PDE1A: variants seen among roughly 807,000 people sequenced by gnomAD.
The protein encoded by PDE1A is dual specificity calcium/calmodulin-dependent 3',5'-cyclic nucleotide phosphodiesterase 1A.
Under a neutral mutation model 61.7 loss-of-function variants are expected in PDE1A, and 35 were observed. The ratio of observed to expected loss-of-function variants is 0.57; its 90% CI spans 0.43 to 0.75. The LOEUF (loss-of-function observed/expected upper bound fraction) is 0.75, where lower values mean the gene tolerates loss of function less well. Ranked by LOEUF, PDE1A falls within the 30% of genes least tolerant of loss-of-function variation. The pLI, the probability that PDE1A is intolerant of heterozygous loss-of-function variation, is 0.00. For synonymous variants in PDE1A, 232 were observed against 213.2 expected (o/e 1.09, Z -0.77); for missense variants, 597 against 630.6 (o/e 0.95, Z 0.57).
chr2:182,199,542 C>A (rs1192446055), intron 10 of PDE1A, among the ~76,000 whole-genome samples: 1 of 151,890 alleles, frequency 6.6e-6, no homozygotes, highest in African/African-American at 2.4e-5. Context: ...TTAAAAATTT[C>A]TTCTTAACCT....
the PDE1A span, among the ~76,000 whole-genome samples, chr2:182,585,795 T>A: frequency 6.6e-6 from 1 of 152,182 alleles, no homozygotes; most frequent in African/African-American, 2.4e-5. Context: ...GAATAATAGA[T>A]CATAAATCAC....
the PDE1A span, among the ~76,000 whole-genome samples, chr2:182,700,686 C>T: frequency 2.4e-5 from 3 of 124,920 alleles, no homozygotes; most frequent in Admixed American, 1.0e-4. Context: ...TGTGCCTCTG[C>T]ACTCCAGCCT....
intron 2 of PDE1A, among the ~76,000 whole-genome samples, chr2:182,243,810 A>G (rs1368928197): frequency 6.6e-6 from 1 of 152,206 alleles, no homozygotes; most frequent in Non-Finnish European, 1.5e-5. Flanking sequence ...TGAGTTGGGT[A>G]TCATTTTGTC....
intron 1 of PDE1A, among the ~76,000 whole-genome samples, chr2:182,383,171 G>C (rs1440272447): frequency 6.6e-6 from 1 of 152,092 alleles, no homozygotes; most frequent in East Asian, 1.9e-4. Context: ...CACTGTCTGT[G>C]CTCTCTTTTC....
At chr2:182,286,724 C>T (rs1489078900) in intron 1 of PDE1A, among the ~76,000 whole-genome samples, 1 of 152,124 alleles carries the variant, frequency 6.6e-6, no homozygotes, top group Non-Finnish European at 1.5e-5. Context: ...TCATAGCTTC[C>T]ACTCATATTA....
chr2:182,380,412 C>A (rs1463511968), intron 1 of PDE1A, among the ~76,000 whole-genome samples: 2 of 152,004 alleles, frequency 1.3e-5, no homozygotes, highest in African/African-American at 4.8e-5. Flanking sequence ...GCACCCAGCC[C>A]CAGCTCCTCT....
intron 2 of PDE1A, among the ~76,000 whole-genome samples, chr2:182,516,611 C>A (rs73044474): frequency 0.012 from 1,789 of 149,422 alleles, 39 homozygotes; most frequent in African/African-American, 0.042. Context: ...AGAGATCGCA[C>A]CACTGCACCA....
At chr2:182,613,498 G>A in the PDE1A span, among the ~76,000 whole-genome samples, 5 of 151,538 alleles carry the variant, frequency 3.3e-5, no homozygotes, top group Non-Finnish European at 7.4e-5. Context: ...AGGAGGCAGA[G>A]CTTGCAGTTG....
At chr2:182,701,136 G>A in the PDE1A span, among the ~76,000 whole-genome samples, 55 of 151,520 alleles carry the variant, frequency 3.6e-4, no homozygotes, top group Non-Finnish European at 6.0e-4. Flanking sequence ...CCAGGTTCAC[G>A]CCATTCTCCT....
chr2:182,658,061 A>AC, the PDE1A span, among the ~76,000 whole-genome samples: 23 of 112,930 alleles, frequency 2.0e-4, 1 homozygote, highest in Admixed American at 1.2e-3. Context: ...AAAAAAAAAA[A>AC]AAAAAAAAAA....
chr2:182,272,356 G>T (rs1331343155), intron 1 of PDE1A, among the ~76,000 whole-genome samples: 2 of 152,118 alleles, frequency 1.3e-5, no homozygotes, highest in African/African-American at 4.8e-5. Flanking sequence ...TGATAATTTT[G>T]AGCAAGAAAC....
At chr2:182,389,434 G>C (rs1028366827) in intron 1 of PDE1A, among the ~76,000 whole-genome samples, 4 of 151,892 alleles carry the variant, frequency 2.6e-5, no homozygotes, top group Non-Finnish European at 5.9e-5. Context: ...ATTAAAAAAT[G>C]GACAAAGGGC....
chr2:182,454,961 A>C (rs868859952), intron 2 of PDE1A, among the ~76,000 whole-genome samples: 1 of 151,330 alleles, frequency 6.6e-6, no homozygotes, highest in Non-Finnish European at 1.5e-5. Context: ...CCATCAGAGT[A>C]AACAGGCAAC....
At chr2:182,255,662 T>TTC (rs1469979440) in intron 2 of PDE1A, among the ~76,000 whole-genome samples, 49 of 148,792 alleles carry the variant, frequency 3.3e-4, no homozygotes, top group African/African-American at 1.1e-3. Flanking sequence ...TTCTTTTCTT[T>TTC]TTTTTTTTTT....
the PDE1A span, among the ~76,000 whole-genome samples, chr2:182,697,188 T>G: frequency 1.3e-5 from 2 of 152,062 alleles, no homozygotes; most frequent in African/African-American, 4.8e-5. Flanking sequence ...CAAATGTACT[T>G]GGGGGAGGTG....
At chr2:182,700,734 A>AAAAAAAAAAAAAAAAAAAAAAAC in the PDE1A span, among the ~76,000 whole-genome samples, 1 of 144,418 alleles carries the variant, frequency 6.9e-6, no homozygotes, top group Non-Finnish European at 1.5e-5. Context: ...AAAAAAAAAA[A>AAAAAAAAAAAAAAAAAAAAAAAC]AAAAAACAGA....
At chr2:182,492,614 TG>T in intron 2 of PDE1A, among the ~76,000 whole-genome samples, 1 of 152,350 alleles carries the variant, frequency 6.6e-6, no homozygotes, top group African/African-American at 2.4e-5. Context: ...TTTGCCTATC[TG>T]ACCTTAAAAC....
chr2:182,274,512 T>C (rs1353385703), intron 1 of PDE1A, among the ~76,000 whole-genome samples: 2 of 152,052 alleles, frequency 1.3e-5, no homozygotes, highest in Non-Finnish European at 2.9e-5. Context: ...GATAGAAAAA[T>C]TGAGTCATTT....
intron 1 of PDE1A, among the ~76,000 whole-genome samples, chr2:182,355,777 T>C (rs927972527): frequency 5.9e-5 from 9 of 152,178 alleles, no homozygotes; most frequent in Admixed American, 1.3e-4. Context: ...TCCAGTTTAG[T>C]TCCTTCAATG....
Sources: allele counts gnomAD v4.1 joint callset (sites outside exome capture counted in the v4.1 genomes callset), GRCh38; gene constraint gnomAD v4.1.1; transcripts MANE v1.5; gene names NCBI Gene and HGNC (gene_info 2026-07-23, HGNC 2026-07-21).